SAMD5: variants seen among roughly 807,000 people sequenced by gnomAD.
The protein encoded by SAMD5 is sterile alpha motif domain-containing protein 5.
A neutral mutation model predicts 11.3 loss-of-function variants in SAMD5; 13 were observed. The ratio of observed to expected loss-of-function variants is 1.15; its 90% CI spans 0.75 to 1.83. The LOEUF is 1.83. Ranked by LOEUF, SAMD5 falls within the 40% of genes most tolerant of loss-of-function variation. The pLI is 0.00. For missense variants in SAMD5, 255 were observed against 239.1 expected (o/e 1.07, Z -0.44); for synonymous variants, 129 against 111.3 (o/e 1.16, Z -1.00).
At chr6:147,803,427 A>C in the SAMD5 span, among the ~76,000 whole-genome samples, 1 of 152,136 alleles carries the variant, frequency 6.6e-6, no homozygotes, top group African/African-American at 2.4e-5. Flanking sequence ...GCCTCTAGTC[A>C]GTTCTTTCAT....
At chr6:147,517,392 G>A (rs972361749) in intron 1 of SAMD5, among the ~76,000 whole-genome samples, 6 of 152,174 alleles carry the variant, frequency 3.9e-5, no homozygotes, top group African/African-American at 1.2e-4. Context: ...TAGCTCTTCT[G>A]TACCTGGGTT....
chr6:147,823,042 C>T, the SAMD5 span, among the ~76,000 whole-genome samples: 1 of 152,166 alleles, frequency 6.6e-6, no homozygotes, highest in Admixed American at 6.5e-5. Context: ...GTCTCGAACT[C>T]CTGACCTCAA....
At chr6:147,871,063 G>A in the SAMD5 span, among the ~76,000 whole-genome samples, 1 of 152,098 alleles carries the variant, frequency 6.6e-6, no homozygotes, top group Admixed American at 6.5e-5. Flanking sequence ...CTGTTGTTTT[G>A]ATATAATTAC....
intron 1 of SAMD5, among the ~76,000 whole-genome samples, chr6:147,708,956 A>T (rs1227541954): frequency 6.6e-6 from 1 of 152,202 alleles, no homozygotes; most frequent in Non-Finnish European, 1.5e-5. Context: ...TGCAAGCCCA[A>T]ATAATTTTAA....
the SAMD5 span, among the ~76,000 whole-genome samples, chr6:147,786,592 T>C: frequency 1.3e-5 from 2 of 152,348 alleles, no homozygotes; most frequent in Middle Eastern, 6.8e-3. Flanking sequence ...CTTGGCTTTA[T>C]ACTTACTTAA....
the SAMD5 span, among the ~76,000 whole-genome samples, chr6:147,823,691 G>A: frequency 2.0e-5 from 3 of 152,154 alleles, no homozygotes; most frequent in African/African-American, 7.2e-5. Flanking sequence ...AACTGAACGG[G>A]AGGCTAAGGA....
chr6:147,701,034 A>G (rs1050571168), intron 1 of SAMD5, among the ~76,000 whole-genome samples: 5 of 152,220 alleles, frequency 3.3e-5, no homozygotes, highest in Non-Finnish European at 7.3e-5. Context: ...TCAGCTAAAC[A>G]AATGAGCTAG....
the SAMD5 span, among the ~76,000 whole-genome samples, chr6:147,760,545 G>A: frequency 2.6e-5 from 4 of 152,006 alleles, no homozygotes; most frequent in South Asian, 8.3e-4. Flanking sequence ...TAAGTTACTT[G>A]CTATAGTTTC....
the SAMD5 span, among the ~76,000 whole-genome samples, chr6:147,876,289 C>A: frequency 1.3e-5 from 2 of 152,218 alleles, no homozygotes; most frequent in East Asian, 3.9e-4. Context: ...TGCAGAGTCT[C>A]TCTTCATCAT....
chr6:147,931,724 C>A, the SAMD5 span, among the ~76,000 whole-genome samples: 2 of 152,158 alleles, frequency 1.3e-5, no homozygotes, highest in Non-Finnish European at 2.9e-5. Flanking sequence ...CCAGTCTGTT[C>A]ATTTTGATAA....
chr6:147,737,180 G>A (rs1471953470), intron 1 of SAMD5: 2 of 295,056 alleles, frequency 6.8e-6, no homozygotes, highest in Non-Finnish European at 1.3e-5. Context: ...TTTTTATCAG[G>A]TTTTTTTATA....
At chr6:147,627,590 T>TG (rs1476817729) in intron 1 of SAMD5, among the ~76,000 whole-genome samples, 1 of 152,172 alleles carries the variant, frequency 6.6e-6, no homozygotes, top group Non-Finnish European at 1.5e-5. Context: ...CACTGCCCGG[T>TG]GTGAATATTA....
At chr6:147,591,056 A>G (rs544864538) in intron 1 of SAMD5, among the ~76,000 whole-genome samples, 1 of 152,286 alleles carries the variant, frequency 6.6e-6, no homozygotes, top group Admixed American at 6.5e-5. Flanking sequence ...GCTGTTAAAC[A>G]ATGTAAAACC....
chr6:147,569,618 T>C lies in SAMD5; in HGVS notation c.*5162T>C. ...CTCCAGGGCAAAGTGGTATGTTGAC[T>C]GGGACAAACGTTAGAAATTGTATTG... On this transcript the variant is annotated 3_prime_UTR_variant, in exon 2 of 2. Transcript: ENST00000367474. 2.0e-6 allele frequency: 2 copies of C among 985,344 alleles called. No individual in the cohort carries two copies. Among genetic ancestry groups the C allele is most frequent in the Non-Finnish European group, 2.4e-6 (2 of 829,822 alleles). 61.0% of individuals were successfully genotyped at this position (985,344 alleles called of 1,614,324 possible).
rs777600357 is a variant in SAMD5 at position 147,620,981 on chromosome 6, TGTGTGTGTGCGC to T, written c.162+111596_162+111607del. ...GTGCCTCTGTGTGTGTGTGTGTGTG[TGTGTGTGTGCGC>T]GCGCGCACATGCGCGCGCATGTAGG... is the stretch of plus-strand genomic sequence containing the variant. On this transcript the variant is annotated intron_variant, in intron 1 of 1. Transcript: ENST00000566741. Among the ~76,000 whole-genome samples, 15 of 114,946 alleles carry T rather than the reference TGTGTGTGTGCGC, an allele frequency of 1.3e-4. No individual in the cohort carries two copies. The South Asian group carries it at 1.4e-3, about 11-fold the overall frequency. 75.4% of individuals were successfully genotyped at this position (114,946 alleles called of 152,430 possible).
At chr6:147,620,964 G>C (rs1583110091) in intron 1 of SAMD5, among the ~76,000 whole-genome samples, 1 of 78,580 alleles carries the variant, frequency 1.3e-5, no homozygotes, top group Non-Finnish European at 3.3e-5. Flanking sequence ...ATGTGCCTCT[G>C]TGTGTGTGTG....
At position 147,654,827 on chromosome 6, in the gene SAMD5, C is replaced by T. The variant is rs1247931068; in HGVS notation, c.163-82490C>T. On this transcript the variant is annotated intron_variant, in intron 1 of 1. Coordinates refer to the SAMD5 transcript ENST00000566741. ...AAGTGCAGGAAACCCAAAATACCTTCCCAACAATTAGAATTTTGCTTGTTG... is the reference window on the plus strand; with the variant it reads ...AAGTGCAGGAAACCCAAAATACCTTTCCAACAATTAGAATTTTGCTTGTTG... Among the ~76,000 whole-genome samples the T allele has an allele frequency of 4.6e-5, 7 of 152,132 alleles. No homozygotes were observed. In the South Asian group the frequency reaches 6.2e-4, roughly 14 times the overall value.
At position 147,549,949 on chromosome 6, in the gene SAMD5, A is replaced by G. The variant is rs555031095; in HGVS notation, c.460-14445A>G. On this transcript the variant is annotated intron_variant, in intron 1 of 1. Coordinates refer to ENST00000367474, the MANE Select transcript of SAMD5 (RefSeq NM_001030060.3). ...ATCCTCTATCAACCGGCTATTATTA[A>G]AAAGTCAAAAATAGGCCATACGAGA... is the stretch of plus-strand genomic sequence containing the variant. Among the ~76,000 whole-genome samples the G allele has an allele frequency of 1.1e-4, 16 of 150,984 alleles. No homozygotes were observed. In the South Asian group the frequency reaches 3.2e-3, roughly 30 times the overall value.
the SAMD5 span, among the ~76,000 whole-genome samples, chr6:147,848,879 T>C: frequency 6.6e-6 from 1 of 152,224 alleles, no homozygotes; most frequent in African/African-American, 2.4e-5. Flanking sequence ...CTTAGGCATT[T>C]GAATCATTTC....
Sources: gnomAD v4.1 joint callset for allele counts (sites outside exome capture counted in the v4.1 genomes callset) on GRCh38, gnomAD v4.1.1 for gene constraint, MANE v1.5 for transcripts, NCBI Gene and HGNC (gene_info 2026-07-23, HGNC 2026-07-21) for gene names.